LCORL: variants seen among roughly 807,000 people sequenced by gnomAD.
The protein encoded by LCORL is ligand-dependent nuclear receptor corepressor-like protein.
Under a neutral mutation model 141.8 loss-of-function variants are expected in LCORL, and 41 were observed. The observed-to-expected ratio is 0.29, with a 90% CI of 0.23 to 0.38. LCORL has a LOEUF of 0.38. Ranked by LOEUF, LCORL falls within the 10% of genes least tolerant of loss-of-function variation. The pLI is 1.00. For missense variants in LCORL, 1,759 were observed against 2,035.0 expected (o/e 0.86, Z 2.61); for synonymous variants, 618 against 694.1 (o/e 0.89, Z 1.72).
chr4:17,871,529 T>C (rs1726330140), intron 7 of LCORL, among the ~76,000 whole-genome samples: 1 of 151,980 alleles, frequency 6.6e-6, no homozygotes, highest in South Asian at 2.1e-4. Context: ...CTTAGGAAGA[T>C]ACAATGATTA....
At chr4:17,880,133 T>C (rs1237312837) in intron 6 of LCORL, among the ~76,000 whole-genome samples, 1 of 150,992 alleles carries the variant, frequency 6.6e-6, no homozygotes, top group Non-Finnish European at 1.5e-5. Context: ...CATCTAATGC[T>C]ATAAGAACAG....
intron 5 of LCORL, among the ~76,000 whole-genome samples, chr4:17,891,766 C>A (rs1729113284): frequency 6.6e-6 from 1 of 151,802 alleles, no homozygotes; most frequent in South Asian, 2.1e-4. Flanking sequence ...AAACAAGAAC[C>A]CCCAAATAAA....
intron 7 of LCORL, among the ~76,000 whole-genome samples, chr4:17,863,938 G>A (rs74619517): frequency 0.12 from 18,903 of 152,166 alleles, 1,399 homozygotes; most frequent in South Asian, 0.29. Context: ...GTAAGTGGAA[G>A]TTAAATACTG....
intron 4 of LCORL, among the ~76,000 whole-genome samples, chr4:17,928,058 C>A (rs1057026671): frequency 6.6e-6 from 1 of 152,096 alleles, no homozygotes; most frequent in Non-Finnish European, 1.5e-5. Flanking sequence ...GAATTATACA[C>A]CACGAACAAG....
intron 5 of LCORL, among the ~76,000 whole-genome samples, chr4:17,906,836 G>A (rs1027239560): frequency 7.2e-5 from 11 of 152,022 alleles, no homozygotes; most frequent in Non-Finnish European, 1.2e-4. Context: ...ACAGGCATGT[G>A]CCACCACGCC....
intron 4 of LCORL, among the ~76,000 whole-genome samples, chr4:17,941,999 T>G (rs569280995): frequency 1.3e-5 from 2 of 152,270 alleles, no homozygotes; most frequent in South Asian, 4.1e-4. Flanking sequence ...TAGAGGCTAT[T>G]GTGGAGAATT....
At chr4:17,854,062 A>AG (rs999649157) in intron 7 of LCORL, among the ~76,000 whole-genome samples, 5 of 152,122 alleles carry the variant, frequency 3.3e-5, no homozygotes, top group African/African-American at 1.2e-4. Flanking sequence ...CCAGCAGAGC[A>AG]GGGAGACAAG....
chr4:17,934,721 T>C (rs1050215506), intron 4 of LCORL, among the ~76,000 whole-genome samples: 14 of 152,330 alleles, frequency 9.2e-5, no homozygotes, highest in East Asian at 3.9e-4. Flanking sequence ...TTCTACATTA[T>C]GGGTAAATTT....
chr4:17,956,100 C>G (rs1425743230), intron 4 of LCORL, among the ~76,000 whole-genome samples: 1 of 152,050 alleles, frequency 6.6e-6, no homozygotes, highest in African/African-American at 2.4e-5. Context: ...CAATTCAAAA[C>G]CACAGTGAGA....
chr4:17,994,887 C>A (rs1720660919), intron 1 of LCORL, among the ~76,000 whole-genome samples: 1 of 152,094 alleles, frequency 6.6e-6, no homozygotes, highest in African/African-American at 2.4e-5. Context: ...GCTGGCTATG[C>A]TAGCCCAATG....
chr4:17,870,621 T>TTAACCA (rs1353557056), intron 7 of LCORL, among the ~76,000 whole-genome samples: 1 of 152,124 alleles, frequency 6.6e-6, no homozygotes, highest in Non-Finnish European at 1.5e-5. Context: ...AACCATGACT[T>TTAACCA]TAACCATTCT....
At chr4:17,906,073 T>C (rs935849283) in intron 5 of LCORL, among the ~76,000 whole-genome samples, 1 of 152,220 alleles carries the variant, frequency 6.6e-6, no homozygotes, top group African/African-American at 2.4e-5. Context: ...CATTTAAAAA[T>C]TGTTTATAAC....
chr4:17,909,027 G>A, intron 5 of LCORL, 67 bp downstream of exon 5: 2 of 1,365,966 alleles, frequency 1.5e-6, no homozygotes, highest in Non-Finnish European at 2.0e-6. Flanking sequence ...AATATAAAAA[G>A]TTATAAATAT....
rs546221236 is a variant in LCORL at position 17,973,059 on chromosome 4, T to G, written c.155-174A>C. 8.6e-5 allele frequency among the ~76,000 whole-genome samples: 13 copies of G among 151,944 alleles called. No homozygotes were observed. In the Middle Eastern group the frequency reaches 0.014, roughly 159 times the overall value. On this transcript the variant is annotated intron_variant, in intron 1 of 7. Coordinates refer to ENST00000635767, the Ensembl canonical transcript of LCORL. ...TACAACATAACAGTCACACAATGACTACCAGAAATTACATGACTGTAAAGA... is the reference window on the plus strand; with the variant it reads ...TACAACATAACAGTCACACAATGACGACCAGAAATTACATGACTGTAAAGA...
intron 4 of LCORL, among the ~76,000 whole-genome samples, chr4:17,959,740 A>G (rs1333900416): frequency 6.6e-6 from 1 of 152,084 alleles, no homozygotes; most frequent in Non-Finnish European, 1.5e-5. Context: ...CAAAAGATTT[A>G]AAGTACCAGG....
At chr4:17,901,351 G>A (rs774727065) in intron 5 of LCORL, among the ~76,000 whole-genome samples, 2 of 150,064 alleles carry the variant, frequency 1.3e-5, no homozygotes, top group Non-Finnish European at 3.0e-5. Flanking sequence ...TAGAGAAAAC[G>A]TCTTTTAAGA....
chr4:17,989,344 A>G (rs1007164250), intron 1 of LCORL, among the ~76,000 whole-genome samples: 12 of 152,208 alleles, frequency 7.9e-5, no homozygotes, highest in African/African-American at 2.9e-4. Flanking sequence ...CAGAATAAAG[A>G]TTTCCTTCTA....
intron 1 of LCORL, among the ~76,000 whole-genome samples, chr4:17,978,339 T>C (rs191615692): frequency 6.6e-6 from 1 of 152,278 alleles, no homozygotes; most frequent in East Asian, 1.9e-4. Context: ...CTCATGCCTG[T>C]AATACCAAGA....
At chr4:18,002,509 G>A (rs1299239222) in intron 1 of LCORL, among the ~76,000 whole-genome samples, 1 of 151,948 alleles carries the variant, frequency 6.6e-6, no homozygotes, top group African/African-American at 2.4e-5. Context: ...GCAACAGTAA[G>A]ACAACATGTC....
Sources: gnomAD v4.1 joint callset for allele counts (sites outside exome capture counted in the v4.1 genomes callset) on GRCh38, gnomAD v4.1.1 for gene constraint, MANE v1.5 for transcripts, NCBI Gene and HGNC (gene_info 2026-07-23, HGNC 2026-07-21) for gene names.